The following HDAC8 variants were observed in gnomAD, a reference collection of about 807,000 sequenced individuals.
HDAC8 encodes histone deacetylase 8, also known as histone deacetylase-like 1.
Under a neutral mutation model 32.2 loss-of-function variants are expected in HDAC8, and 1 was observed. The ratio of observed to expected loss-of-function variants is 0.03; its 90% CI spans 0.01 to 0.15. The LOEUF (loss-of-function observed/expected upper bound fraction) is 0.15. HDAC8 is among the 10% of genes least tolerant of loss of function. The pLI is 1.00. For missense variants in HDAC8, 117 were observed against 300.0 expected (o/e 0.39, Z 4.51); for synonymous variants, 108 against 113.9 (o/e 0.95, Z 0.33).
intron 9 of HDAC8, among the ~76,000 whole-genome samples, chrX:72,402,428 TTA>T (rs200632612): frequency 2.4e-4 from 22 of 90,798 alleles, no homozygotes; most frequent in South Asian, 1.5e-3. Flanking sequence ...TTTTTTTTTT[TTA>T]AGTTTCTTAA....
intron 5 of HDAC8, among the ~76,000 whole-genome samples, chrX:72,491,211 G>A (rs1376762706): frequency 3.6e-5 from 4 of 111,757 alleles, no homozygotes; most frequent in African/African-American, 1.3e-4. Flanking sequence ...GGCCCCAAGT[G>A]AAGTTTGGGG....
intron 2 of HDAC8, among the ~76,000 whole-genome samples, chrX:72,570,480 G>A (rs782093513): frequency 9.1e-6 from 1 of 109,929 alleles, no homozygotes; most frequent in Non-Finnish European, 1.9e-5. Context: ...GTGGTGACAC[G>A]TGCCTGTAGT....
intron 9 of HDAC8, among the ~76,000 whole-genome samples, chrX:72,406,521 A>G (rs574486178): frequency 4.4e-5 from 5 of 112,402 alleles, no homozygotes; most frequent in African/African-American, 1.6e-4. Flanking sequence ...ATGAGCCACT[A>G]TGCTCTGCAC....
At chrX:72,544,964 G>A (rs1391213938) in intron 4 of HDAC8, among the ~76,000 whole-genome samples, 2 of 111,654 alleles carry the variant, frequency 1.8e-5, no homozygotes, top group Non-Finnish European at 3.8e-5. Flanking sequence ...GCAAGTCCTG[G>A]TTATCAGGGC....
intron 10 of HDAC8, among the ~76,000 whole-genome samples, chrX:72,335,525 T>C (rs1432107796): frequency 8.9e-6 from 1 of 112,361 alleles, no homozygotes; most frequent in Non-Finnish European, 1.9e-5. Flanking sequence ...TAGTCCATTG[T>C]CTGGATGTAC....
intron 9 of HDAC8, among the ~76,000 whole-genome samples, chrX:72,418,511 GTT>G (rs1398934083): frequency 9.0e-6 from 1 of 111,536 alleles, no homozygotes; most frequent in Non-Finnish European, 1.9e-5. Context: ...CAGAATAACT[GTT>G]ATTAAAAAGT....
intron 7 of HDAC8, chrX:72,474,396 C>A: frequency 1.1e-6 from 1 of 913,488 alleles, no homozygotes; most frequent in East Asian, 5.4e-5. Context: ...TAAATGAATA[C>A]ATGAATGAAA....
At chrX:72,540,598 T>A (rs1209823051) in intron 4 of HDAC8, among the ~76,000 whole-genome samples, 1 of 110,010 alleles carries the variant, frequency 9.1e-6, no homozygotes, top group African/African-American at 3.3e-5. Flanking sequence ...ATCTCTGACA[T>A]CCTGACTGCT....
chrX:72,368,766 CA>C (rs1483259071), intron 9 of HDAC8, among the ~76,000 whole-genome samples: 1 of 112,521 alleles, frequency 8.9e-6, no homozygotes, highest in African/African-American at 3.2e-5. Context: ...TACATTAGCA[CA>C]AAGATGCTTT....
intron 9 of HDAC8, among the ~76,000 whole-genome samples, chrX:72,442,992 T>G (rs2047210648): frequency 1.9e-5 from 2 of 107,531 alleles, no homozygotes; most frequent in African/African-American, 6.8e-5. Context: ...CTAACTATCC[T>G]AAATATATAT....
chrX:72,532,315 A>C lies in HDAC8; in HGVS notation c.437+35574T>G, dbSNP rs564906552. On this transcript the variant is annotated intron_variant, in intron 4 of 10. Transcript: ENST00000373573. ...TGCTATGTTGCTCAGGCTGGTCTCA[A>C]ACTCCTGGTCTCAAGCAATCCTCCC... Among the ~76,000 whole-genome samples the C allele has an allele frequency of 4.2e-5, 4 of 96,181 alleles. No homozygotes were observed. The South Asian group carries it at 2.1e-3, about 51-fold the overall frequency. The allele number at this position is 96,181 out of a possible 115,157, so 83.5% of individuals were successfully genotyped here.
intron 7 of HDAC8, among the ~76,000 whole-genome samples, chrX:72,485,768 G>T (rs993869316): frequency 8.9e-6 from 1 of 111,782 alleles, no homozygotes; most frequent in Non-Finnish European, 1.9e-5. Flanking sequence ...GCAATAAGAG[G>T]TCCTTTACAC....
At chrX:72,481,785 C>G (rs976290200) in intron 7 of HDAC8, among the ~76,000 whole-genome samples, 2 of 108,842 alleles carry the variant, frequency 1.8e-5, no homozygotes, top group Non-Finnish European at 3.8e-5. Flanking sequence ...AATTTTTGTA[C>G]TTTTAGTAGA....
At chrX:72,548,926 A>G (rs1447969078) in intron 4 of HDAC8, among the ~76,000 whole-genome samples, 2 of 111,917 alleles carry the variant, frequency 1.8e-5, no homozygotes, top group Non-Finnish European at 3.8e-5. Context: ...CTACTGAAAG[A>G]GCCTTTTTAG....
chrX:72,560,588 A>G (rs1000438563), intron 4 of HDAC8, among the ~76,000 whole-genome samples: 1 of 106,669 alleles, frequency 9.4e-6, no homozygotes, highest in Non-Finnish European at 1.9e-5. Context: ...AAAAAAAAAA[A>G]AAGAAATGGT....
intron 9 of HDAC8, among the ~76,000 whole-genome samples, chrX:72,401,763 C>A (rs868915182): frequency 2.7e-5 from 3 of 112,230 alleles, no homozygotes; most frequent in African/African-American, 9.7e-5. Flanking sequence ...GTTCTAGATA[C>A]AAGTCCCATA....
intron 4 of HDAC8, among the ~76,000 whole-genome samples, chrX:72,556,715 T>C (rs1186243558): frequency 9.0e-6 from 1 of 111,470 alleles, no homozygotes; most frequent in Non-Finnish European, 1.9e-5. Context: ...CAATTCTAAA[T>C]ATATATGCAC....
intron 6 of HDAC8, 120 bp from the exon 7 acceptor site, chrX:72,489,161 T>A: frequency 2.1e-6 from 1 of 480,859 alleles, no homozygotes; most frequent in East Asian, 3.6e-5. Flanking sequence ...TATAAAGAAG[T>A]AAGTATTGTA....
intron 9 of HDAC8, among the ~76,000 whole-genome samples, chrX:72,424,381 A>T (rs1171409814): frequency 9.0e-6 from 1 of 110,899 alleles, no homozygotes; most frequent in Non-Finnish European, 1.9e-5. Context: ...GATTTTCTTT[A>T]ATTATTTCTT....
Sources: allele counts gnomAD v4.1 joint callset (sites outside exome capture counted in the v4.1 genomes callset), GRCh38; gene constraint gnomAD v4.1.1; transcripts MANE v1.5; gene names NCBI Gene and HGNC (gene_info 2026-07-23, HGNC 2026-07-21).